Variants in BSN observed in about 807,000 individuals in gnomAD.
The protein encoded by BSN is bassoon presynaptic cytomatrix protein.
BSN carries 57 observed loss-of-function variants against 264.8 expected under a neutral mutation model. The ratio of observed to expected loss-of-function variants is 0.22; its 90% CI spans 0.17 to 0.27. The LOEUF (loss-of-function observed/expected upper bound fraction) is 0.27. Ranked by LOEUF, BSN falls within the 10% of genes least tolerant of loss-of-function variation. The pLI is 1.00. For missense variants in BSN, 4,615 were observed against 5,232.5 expected (o/e 0.88, Z 3.64); for synonymous variants, 2,059 against 2,137.3 (o/e 0.96, Z 1.01).
chr3:49,597,665 C>T (rs943497009), intron 1 of BSN, among the ~76,000 whole-genome samples: 9 of 152,054 alleles, frequency 5.9e-5, no homozygotes, highest in Middle Eastern at 3.4e-3. Context: ...TTCTTTGAGA[C>T]GGAGTCTCAC....
At chr3:49,589,593 G>A (rs1228062749) in intron 1 of BSN, among the ~76,000 whole-genome samples, 2 of 146,398 alleles carry the variant, frequency 1.4e-5, no homozygotes, top group African/African-American at 2.5e-5. Flanking sequence ...AGCAACCTCC[G>A]CCTTCCAGGT....
In BSN at chr3:49,656,371, G is replaced by A; in HGVS notation, c.6815G>A (p.Ser2272Asn). 1 of 1,600,644 alleles carries A rather than the reference G, an allele frequency of 6.2e-7. No individual in the cohort carries two copies. Among genetic ancestry groups the A allele is most frequent in the Non-Finnish European group, 8.5e-7 (1 of 1,172,692 alleles). ...CCAAGTAGATTTCCCATTGCTTCCA[G>A]TGTTCCACCTGCAGAAGGGCCTGTC... Reference protein sequence around the residue: ...PAPSRFPIASSVPPAEGPVYL... With the variant: ...PAPSRFPIASNVPPAEGPVYL... The change falls in exon 5 of 12, where the codon AGT (serine) becomes AAT (asparagine). Residue 2272 changes from serine (S) to asparagine (N), a missense_variant. Around this residue, in one of 3 missense-constraint regions of BSN, gnomAD observed 3,415 missense variants for 3,866.4 expected, o/e 0.88. Coordinates refer to ENST00000296452, the MANE Select transcript of BSN (RefSeq NM_003458.4).
At chr3:49,637,247 G>A (rs2052426584) in intron 2 of BSN, among the ~76,000 whole-genome samples, 1 of 152,184 alleles carries the variant, frequency 6.6e-6, no homozygotes, top group South Asian at 2.1e-4. Context: ...TGCTGCTGGG[G>A]GGGTGAGAGG....
In BSN at chr3:49,657,292, G is replaced by T; in HGVS notation, c.7736G>T (p.Arg2579Met). The T allele has an allele frequency of 1.9e-6, 3 of 1,613,394 alleles. No homozygotes were observed. The highest frequency in any genetic ancestry group is 2.5e-6 in the Non-Finnish European group (3 of 1,179,888). The part of the protein sequence containing the change: ...ESGTEPCVVR[R>M]IADSSVQTDD... ...GGGACTGAGCCCTGTGTGGTCAGGA[G>T]GATTGCCGACAGCAGCGTGCAGACA... The change falls in exon 5 of 12, where the codon AGG becomes ATG. Residue 2579 changes from arginine (R) to methionine (M), a missense_variant. Around this residue, in one of 3 missense-constraint regions of BSN, gnomAD observed 3,415 missense variants for 3,866.4 expected, o/e 0.88. Coordinates refer to ENST00000296452, the MANE Select transcript of BSN (RefSeq NM_003458.4).
intron 1 of BSN, among the ~76,000 whole-genome samples, chr3:49,568,800 C>T (rs190087260): frequency 2.4e-4 from 36 of 152,152 alleles, no homozygotes; most frequent in African/African-American, 7.7e-4. Context: ...TGTGTCTGTG[C>T]GATAGTTTCC....
rs1459375246 is a variant in BSN, at chr3:49,656,365, C to A, written c.6809C>A (p.Ala2270Asp). ...RYPAPSRFPIASSVPPAEGPV... is the reference protein window; with the variant it reads ...RYPAPSRFPIDSSVPPAEGPV... ...CCTGCACCAAGTAGATTTCCCATTG[C>A]TTCCAGTGTTCCACCTGCAGAAGGG... The change falls in exon 5 of 12, where the codon GCT (alanine) becomes GAT (aspartate). Residue 2270 changes from alanine (A) to aspartate (D), a missense_variant. Physicochemically the swap from Ala to Asp is moderately radical, Grantham distance 126. Transcript: ENST00000296452. 1.2e-5 allele frequency: 20 copies of A among 1,602,170 alleles called. No individual in the cohort carries two copies. The highest frequency in any genetic ancestry group is 1.7e-5 in the Admixed American group (1 of 59,058).
At position 49,663,461 on chromosome 3, in the gene BSN, C is replaced by T. The variant is rs773713810; in HGVS notation, c.11303C>T (p.Pro3768Leu). 5 of 1,613,006 alleles carry T rather than the reference C, an allele frequency of 3.1e-6. No individual in the cohort carries two copies. Among genetic ancestry groups the T allele is most frequent in the Non-Finnish European group, 4.2e-6 (5 of 1,180,004 alleles). The change falls in exon 7 of 12, where the codon CCC becomes CTC. Residue 3768 changes from proline to leucine, a missense_variant. By Grantham distance (98) the Pro-to-Leu change is moderately conservative. Around this residue, in one of 3 missense-constraint regions of BSN, gnomAD observed 3,415 missense variants for 3,866.4 expected, o/e 0.88. Coordinates refer to ENST00000296452, the MANE Select transcript of BSN (RefSeq NM_003458.4). ...QSQSPSSRQI[P>L]SGAASRQPQT... ...CAGTCACCATCATCCAGGCAAATACCCTCTGGGGCAGCATCACGCCAGCCA... is the reference window on the plus strand; with the variant it reads ...CAGTCACCATCATCCAGGCAAATACTCTCTGGGGCAGCATCACGCCAGCCA...
chr3:49,558,354 G>A (rs1356727344), intron 1 of BSN, among the ~76,000 whole-genome samples: 3 of 152,188 alleles, frequency 2.0e-5, no homozygotes, highest in East Asian at 1.9e-4. Flanking sequence ...ATCAGAATGC[G>A]TAATCAATGC....
chr3:49,579,343 C>T (rs1297815134), intron 1 of BSN, among the ~76,000 whole-genome samples: 1 of 151,954 alleles, frequency 6.6e-6, no homozygotes. Context: ...GGATGTACCA[C>T]ATTTTATCCA....
rs1383808192 is a variant in BSN at position 49,669,424 on chromosome 3, C to T, written c.*1939C>T. On this transcript the variant is annotated 3_prime_UTR_variant, in exon 12 of 12. Coordinates refer to ENST00000296452, the MANE Select transcript of BSN (RefSeq NM_003458.4). Reference sequence around the variant, plus strand: ...TCTGTCTGTCTGTCATTTTCCCTTCCTACCCCAACCCTGAGCCAGAGGCAT... The same window carrying T: ...TCTGTCTGTCTGTCATTTTCCCTTCTTACCCCAACCCTGAGCCAGAGGCAT... 2 of 152,738 alleles carry T rather than the reference C, an allele frequency of 1.3e-5. No homozygotes were observed. The highest frequency in any genetic ancestry group is 2.9e-5 in the Non-Finnish European group (2 of 68,104). The allele number at this position is 152,738 out of a possible 1,614,324, so 9.5% of individuals were successfully genotyped here. A position where few individuals can be genotyped will look rare whatever the true frequency, so the allele number is the denominator to read the frequency against.
At position 49,554,635 on chromosome 3, in the gene BSN, T is replaced by TGCCGCCCGGCGGCGCC. The variant is rs2051648828; in HGVS notation, c.34_35insCCGCCCGGCGGCGCCG (p.Gly12AlafsTer82). The TGCCGCCCGGCGGCGCC allele has an allele frequency of 1.0e-6, 1 of 982,270 alleles. No homozygotes were observed. The highest frequency in any genetic ancestry group is 4.5e-5 in the South Asian group (1 of 22,056). The allele number at this position is 982,270 out of a possible 1,614,324, so 60.8% of individuals were successfully genotyped here. A position where few individuals can be genotyped will look rare whatever the true frequency, so the allele number is the denominator to read the frequency against. Reference sequence around the variant, plus strand: ...ACGAGGTCAGCCTGGAGGGCGGCGCTGGCGACGGGCCGCTGCCGCCCGGCG... The same window carrying TGCCGCCCGGCGGCGCC: ...ACGAGGTCAGCCTGGAGGGCGGCGCTGCCGCCCGGCGGCGCCGGCGACGGGCCGCTGCCGCCCGGCG... On this transcript the variant is annotated frameshift_variant, in exon 1 of 12. Transcript: ENST00000296452. LOFTEE classifies it high-confidence loss of function.
intron 2 of BSN, among the ~76,000 whole-genome samples, chr3:49,630,298 A>G (rs2052375456): frequency 6.6e-6 from 1 of 152,190 alleles, no homozygotes; most frequent in South Asian, 2.1e-4. Flanking sequence ...CAGCCTTCCA[A>G]TGCTCACCTC....
At chr3:49,584,188 C>T (rs2051917037) in intron 1 of BSN, among the ~76,000 whole-genome samples, 1 of 151,902 alleles carries the variant, frequency 6.6e-6, no homozygotes, top group African/African-American at 2.4e-5. Flanking sequence ...CCCGGCCAAT[C>T]CTTTTAATTT....
rs778957015 is a variant in BSN at position 49,653,072 on chromosome 3, C to T, written c.3516C>T (p.Ser1172=). The change falls in exon 5 of 12, where the codon TCC becomes TCT. Residue 1172 remains serine, a synonymous_variant. Coordinates refer to ENST00000296452, the MANE Select transcript of BSN (RefSeq NM_003458.4). This position sits in a 1 kb window ranked among gnomAD's most constrained non-coding sequence, Gnocchi z 6.3. ...CAACCGAGACACCCTCCGGCAGCTC[C>T]ACCACTCCCAGTTCCGGACGGCCGC... ...YSPTETPSGS[S]TTPSSGRPLK... 18 of 1,613,476 alleles carry T rather than the reference C, an allele frequency of 1.1e-5. No homozygotes were observed. The African/African-American group carries it at 2.0e-4, about 18-fold the overall frequency.
chr3:49,651,679 T>C lies in BSN; in HGVS notation c.2123T>C (p.Leu708Pro). 4 of 1,614,022 alleles carry C rather than the reference T, an allele frequency of 2.5e-6. No homozygotes were observed. Among genetic ancestry groups the C allele is most frequent in the South Asian group, 1.1e-5 (1 of 91,068 alleles). Residue 708 changes from leucine to proline, a missense_variant, in exon 5 of 12, where the codon CTG becomes CCG. Physicochemically the swap from Leu to Pro is moderately conservative, Grantham distance 98. Transcript: ENST00000296452. The surrounding 1 kb of genome is among the most constrained non-coding windows in gnomAD (Gnocchi z 5.4). ...TGVVQQEVEQ[L>P]DSAGVTGPHP... ...GTCGTGCAGCAGGAGGTGGAACAGC[T>C]GGACAGTGCAGGGGTGACAGGGCCA...
chr3:49,568,907 G>A (rs370656906), intron 1 of BSN, among the ~76,000 whole-genome samples: 16 of 152,316 alleles, frequency 1.1e-4, no homozygotes, highest in African/African-American at 3.8e-4. Flanking sequence ...ATAATATTCA[G>A]GCATGAGAGG....
intron 5 of BSN, among the ~76,000 whole-genome samples, chr3:49,659,355 G>A (rs1168309727): frequency 6.6e-6 from 1 of 152,120 alleles, no homozygotes; most frequent in Admixed American, 6.6e-5. Context: ...CTCATGATGC[G>A]TGGCCAAAAT....
At position 49,656,350 on chromosome 3, in the gene BSN, G is replaced by A. The variant is rs1467904207; in HGVS notation, c.6794G>A (p.Ser2265Asn). The A allele has an allele frequency of 1.2e-6, 2 of 1,606,868 alleles. No homozygotes were observed. Among genetic ancestry groups the A allele is most frequent in the Non-Finnish European group, 1.7e-6 (2 of 1,176,382 alleles). Residue 2265 changes from serine to asparagine, a missense_variant, in exon 5 of 12, where the codon AGT (serine) becomes AAT (asparagine). Transcript: ENST00000296452. Reference protein sequence around the residue: ...PTGLYRYPAPSRFPIASSVPP... With the variant: ...PTGLYRYPAPNRFPIASSVPP... ...GGGCTGTACCGCTATCCTGCACCAA[G>A]TAGATTTCCCATTGCTTCCAGTGTT... is the stretch of plus-strand genomic sequence containing the variant.
intron 1 of BSN, among the ~76,000 whole-genome samples, chr3:49,624,459 C>T (rs2108057336): frequency 6.6e-6 from 1 of 152,000 alleles, no homozygotes; most frequent in East Asian, 1.9e-4. Flanking sequence ...CCACCAAGCT[C>T]AGCTAATTTT....
Sources: gnomAD v4.1 joint callset for allele counts (sites outside exome capture counted in the v4.1 genomes callset) on GRCh38, gnomAD v4.1.1 for gene constraint, gnomAD v4.1.1 regional missense constraint, Gnocchi (gnomAD v3.1) non-coding constraint, MANE v1.5 for transcripts, NCBI Gene and HGNC (gene_info 2026-07-23, HGNC 2026-07-21) for gene names.